The following KCND2 variants were observed in gnomAD, a reference collection of about 807,000 sequenced individuals.
KCND2 encodes the protein potassium voltage-gated channel subfamily D member 2, also known as A-type voltage-gated potassium channel KCND2.
Under a neutral mutation model 54.4 loss-of-function variants are expected in KCND2, and 16 were observed. The observed-to-expected ratio is 0.29, with a 90% CI of 0.20 to 0.45. The LOEUF is 0.45. Ranked by LOEUF, KCND2 falls within the 20% of genes least tolerant of loss-of-function variation. The probability of loss-of-function intolerance (pLI) is 1.00; values close to 1 mark genes in which losing one functional copy is unlikely to be tolerated. For synonymous variants in KCND2, 317 were observed against 310.7 expected (o/e 1.02, Z -0.21); for missense variants, 486 against 824.2 (o/e 0.59, Z 5.02).
chr7:120,681,099 C>G (rs532862122), intron 1 of KCND2, among the ~76,000 whole-genome samples: 68 of 152,122 alleles, frequency 4.5e-4, no homozygotes, highest in Non-Finnish European at 4.4e-5. Flanking sequence ...GCCATATAAA[C>G]AAGCAACTCC....
intron 1 of KCND2, among the ~76,000 whole-genome samples, chr7:120,699,087 T>C (rs1184362529): frequency 6.6e-6 from 1 of 152,018 alleles, no homozygotes; most frequent in East Asian, 1.9e-4. Flanking sequence ...GAGACCAACC[T>C]GGCTAACACA....
At position 120,733,746 on chromosome 7, in the gene KCND2, G is replaced by A. The variant is rs539829919; in HGVS notation, c.1278+681G>A. Among the ~76,000 whole-genome samples the A allele has an allele frequency of 1.1e-4, 17 of 152,034 alleles. 1 individual carries two copies. The highest frequency in any genetic ancestry group is 8.3e-4 in the South Asian group (4 of 4,830). On this transcript the variant is annotated intron_variant, in intron 2 of 5. Coordinates refer to ENST00000331113, the MANE Select transcript of KCND2 (RefSeq NM_012281.3). The stretch of plus-strand genomic sequence containing the variant: ...TTTATTCTCGTCCCAGCAGCTTACC[G>A]TTTGTTTGAACTTCATGCCAGGTAA...
At chr7:120,442,430 C>A (rs964065937) in intron 1 of KCND2, among the ~76,000 whole-genome samples, 7 of 151,722 alleles carry the variant, frequency 4.6e-5, no homozygotes, top group African/African-American at 1.7e-4. Flanking sequence ...AATAACTTTT[C>A]TTTAATTGAG....
In KCND2 at chr7:120,712,346, C is replaced by T. The variant is rs1792551784; in HGVS notation, c.1116-20557C>T. 2.1e-5 allele frequency among the ~76,000 whole-genome samples: 3 copies of T among 141,616 alleles called. No individual in the cohort carries two copies. In the South Asian group the frequency reaches 7.2e-4, roughly 34 times the overall value. 92.9% of individuals were successfully genotyped at this position (141,616 alleles called of 152,430 possible). A position where few individuals can be genotyped will look rare whatever the true frequency, so the allele number is the denominator to read the frequency against. On this transcript the variant is annotated intron_variant, in intron 1 of 5. Transcript: ENST00000331113. ...TGGCGTGATCTTGGCTCACTGCAAC[C>T]TCTGCCTCCCCAGTTCAAGTGATTC...
chr7:120,682,134 C>T (rs546503999), intron 1 of KCND2, among the ~76,000 whole-genome samples: 7 of 151,964 alleles, frequency 4.6e-5, no homozygotes, highest in African/African-American at 1.7e-4. Context: ...TTGATCAATG[C>T]AATAGTAAAC....
rs540600105 is a variant in KCND2, at chr7:120,455,505, T to C, written c.1115+179758T>C. ...GGGTATATACCCAAAGGAATTTAAA[T>C]TGTTCTACCATAAAGACACCTGCAC... On this transcript the variant is annotated intron_variant, in intron 1 of 5. Coordinates refer to ENST00000331113, the MANE Select transcript of KCND2 (RefSeq NM_012281.3). Among the ~76,000 whole-genome samples the C allele has an allele frequency of 8.5e-5, 13 of 152,266 alleles. No individual in the cohort carries two copies. In the South Asian group the frequency reaches 2.1e-3, roughly 24 times the overall value.
chr7:120,560,669 C>T (rs968418665), intron 1 of KCND2, among the ~76,000 whole-genome samples: 6 of 152,094 alleles, frequency 3.9e-5, no homozygotes, highest in African/African-American at 7.2e-5. Flanking sequence ...TTCTGTCTAC[C>T]GGCCTGTCTC....
At chr7:120,324,848 T>G (rs988635194) in intron 1 of KCND2, among the ~76,000 whole-genome samples, 7 of 149,112 alleles carry the variant, frequency 4.7e-5, no homozygotes, top group Non-Finnish European at 1.0e-4. Context: ...AAGGCATTGG[T>G]AGCTTGATGG....
At chr7:120,431,921 G>A (rs1801793847) in intron 1 of KCND2, among the ~76,000 whole-genome samples, 1 of 151,990 alleles carries the variant, frequency 6.6e-6, no homozygotes, top group Admixed American at 6.6e-5. Flanking sequence ...TTGGATATGT[G>A]TAGTAGTAGT....
chr7:120,289,669 T>C (rs1799406401), intron 1 of KCND2, among the ~76,000 whole-genome samples: 1 of 152,018 alleles, frequency 6.6e-6, no homozygotes, highest in Non-Finnish European at 1.5e-5. Flanking sequence ...AAATGATCGG[T>C]GGGCTTGCCA....
intron 1 of KCND2, among the ~76,000 whole-genome samples, chr7:120,678,314 T>A (rs1310749776): frequency 6.8e-6 from 1 of 146,580 alleles, no homozygotes; most frequent in Admixed American, 6.9e-5. Flanking sequence ...TATTAATCCA[T>A]GGAGCTCTTC....
chr7:120,554,567 A>C (rs1792139735), intron 1 of KCND2, among the ~76,000 whole-genome samples: 1 of 151,428 alleles, frequency 6.6e-6, no homozygotes, highest in Non-Finnish European at 1.5e-5. Flanking sequence ...CGCCACCACT[A>C]CTGGCTAATT....
chr7:120,670,278 T>C (rs533187582), intron 1 of KCND2, among the ~76,000 whole-genome samples: 15 of 152,260 alleles, frequency 9.9e-5, no homozygotes, highest in African/African-American at 3.6e-4. Flanking sequence ...TCCCAGACTT[T>C]GTTTTATAGG....
intron 1 of KCND2, among the ~76,000 whole-genome samples, chr7:120,589,055 C>T (rs1792637180): frequency 6.6e-6 from 1 of 152,104 alleles, no homozygotes. Context: ...GGACACAGGT[C>T]AAAGTGGACA....
At chr7:120,358,134 CAG>C (rs1800533963) in intron 1 of KCND2, among the ~76,000 whole-genome samples, 1 of 151,992 alleles carries the variant, frequency 6.6e-6, no homozygotes, top group African/African-American at 2.4e-5. Flanking sequence ...AAAACTGACA[CAG>C]AGACAGAATA....
At chr7:120,433,019 G>C (rs1801816583) in intron 1 of KCND2, among the ~76,000 whole-genome samples, 1 of 152,044 alleles carries the variant, frequency 6.6e-6, no homozygotes, top group African/African-American at 2.4e-5. Flanking sequence ...CTCCCTCCTT[G>C]CTTCAATCAC....
chr7:120,308,785 T>C (rs994907094), intron 1 of KCND2, among the ~76,000 whole-genome samples: 1 of 152,200 alleles, frequency 6.6e-6, no homozygotes, highest in Non-Finnish European at 1.5e-5. Flanking sequence ...GTGTAAATGA[T>C]AAGTTGTTTA....
intron 1 of KCND2, among the ~76,000 whole-genome samples, chr7:120,551,609 T>TA (rs968237467): frequency 1.3e-5 from 2 of 152,028 alleles, no homozygotes; most frequent in African/African-American, 2.4e-5. Flanking sequence ...CTTTCATACT[T>TA]AAAAAAAATT....
At chr7:120,616,192 C>T (rs1402425267) in intron 1 of KCND2, among the ~76,000 whole-genome samples, 3 of 152,126 alleles carry the variant, frequency 2.0e-5, no homozygotes, top group Non-Finnish European at 4.4e-5. Context: ...GTCAAATTAC[C>T]TGTATTAAAA....
Sources: gnomAD v4.1 joint callset for allele counts (sites outside exome capture counted in the v4.1 genomes callset) on GRCh38, gnomAD v4.1.1 for gene constraint, MANE v1.5 for transcripts, NCBI Gene and HGNC (gene_info 2026-07-23, HGNC 2026-07-21) for gene names.